Variants in SNTG2 observed in about 807,000 individuals in gnomAD.
The protein encoded by SNTG2 is gamma-2-syntrophin.
SNTG2 carries 74 observed loss-of-function variants against 70.9 expected under a neutral mutation model. The observed-to-expected ratio is 1.04, with a 90% CI of 0.86 to 1.27. The LOEUF is 1.27. SNTG2 is among the 50% of genes most tolerant of loss of function. SNTG2 has a pLI of 0.00. For missense variants in SNTG2, 717 were observed against 690.7 expected, an observed-to-expected ratio of 1.04 and a Z score of -0.43; for synonymous variants, 278 against 273.8, an observed-to-expected ratio of 1.02 and a Z score of -0.15.
chr2:1,052,168 T>C (rs1488069096), intron 1 of SNTG2, among the ~76,000 whole-genome samples: 4 of 152,292 alleles, frequency 2.6e-5, no homozygotes, highest in Admixed American at 2.0e-4. Context: ...CTGGTAGTCA[T>C]TGTTTTTCTA....
chr2:1,275,123 T>G (rs1679216355), intron 14 of SNTG2, among the ~76,000 whole-genome samples: 1 of 152,174 alleles, frequency 6.6e-6, no homozygotes, highest in African/African-American at 2.4e-5. Flanking sequence ...GGGAGAACTC[T>G]CTCACTACCT....
intron 1 of SNTG2, among the ~76,000 whole-genome samples, chr2:968,802 C>T (rs559108316): frequency 2.0e-5 from 3 of 152,118 alleles, no homozygotes; most frequent in East Asian, 3.9e-4. Context: ...CAAATATTTC[C>T]TTTCATCCTG....
At chr2:1,338,767 T>C (rs1659941568) in intron 16 of SNTG2, among the ~76,000 whole-genome samples, 1 of 152,234 alleles carries the variant, frequency 6.6e-6, no homozygotes, top group Non-Finnish European at 1.5e-5. Flanking sequence ...ATTCAATATT[T>C]GTTGATGAGC....
intron 1 of SNTG2, among the ~76,000 whole-genome samples, chr2:965,766 G>A (rs1161633137): frequency 6.6e-6 from 1 of 152,004 alleles, no homozygotes; most frequent in Non-Finnish European, 1.5e-5. Context: ...ATGCAGCTGG[G>A]CCCCCTACAG....
chr2:1,173,110 G>A lies in SNTG2; in HGVS notation c.518G>A (p.Ser173Asn), dbSNP rs771362145. Residue 173 changes from serine (S) to asparagine (N), a missense_variant, in exon 8 of 17, where the codon AGC becomes AAC. Transcript: ENST00000308624. Reference protein sequence around the residue: ...KLPLGSPGPSSDHSSGASSPL... With the variant: ...KLPLGSPGPSNDHSSGASSPL... Reference sequence around the variant, plus strand: ...GCTGCAGGGTCCCCAGGGCCATCCAGCGACCACAGCAGTGGGGCCTCCTCT... The same window carrying A: ...GCTGCAGGGTCCCCAGGGCCATCCAACGACCACAGCAGTGGGGCCTCCTCT... 13 of 1,613,892 alleles carry A rather than the reference G, an allele frequency of 8.1e-6. No individual in the cohort carries two copies. The highest frequency in any genetic ancestry group is 3.3e-5 in the Admixed American group (2 of 60,002).
intron 16 of SNTG2, among the ~76,000 whole-genome samples, chr2:1,357,615 G>T (rs151088277): frequency 6.6e-6 from 1 of 152,044 alleles, no homozygotes; most frequent in Non-Finnish European, 1.5e-5. Flanking sequence ...TTAATGTTTG[G>T]TAGAATTCCC....
chr2:1,332,086 C>T (rs55949772), intron 16 of SNTG2, among the ~76,000 whole-genome samples: 16,336 of 152,206 alleles, frequency 0.11, 1,162 homozygotes, highest in Admixed American at 0.2. Flanking sequence ...CAGTTCTCAG[C>T]TTGTCTTCCT....
intron 9 of SNTG2, among the ~76,000 whole-genome samples, chr2:1,220,990 AC>A (rs369832975): frequency 3.2e-4 from 49 of 152,128 alleles, no homozygotes; most frequent in African/African-American, 1.1e-3. Flanking sequence ...GCACCCTGAC[AC>A]CCCTCCCCAT....
intron 8 of SNTG2, among the ~76,000 whole-genome samples, chr2:1,174,436 C>T (rs920247565): frequency 6.6e-6 from 1 of 152,046 alleles, no homozygotes; most frequent in Non-Finnish European, 1.5e-5. Context: ...TACAGTTTAT[C>T]CATTGTCAGT....
At chr2:1,070,045 G>T (rs1295500560) in intron 1 of SNTG2, among the ~76,000 whole-genome samples, 1 of 152,000 alleles carries the variant, frequency 6.6e-6, no homozygotes, top group Non-Finnish European at 1.5e-5. Context: ...AGTGTGCAGG[G>T]GGATGGAGCA....
At chr2:1,125,210 AC>A (rs989218254) in intron 4 of SNTG2, among the ~76,000 whole-genome samples, 2 of 152,214 alleles carry the variant, frequency 1.3e-5, no homozygotes, top group African/African-American at 4.8e-5. Flanking sequence ...ATATTCAGTT[AC>A]TATAAATAGC....
At chr2:1,144,041 A>G (rs1016687160) in intron 6 of SNTG2, among the ~76,000 whole-genome samples, 1 of 152,178 alleles carries the variant, frequency 6.6e-6, no homozygotes. Context: ...GGCTCTCAGG[A>G]CACGCTGGGT....
intron 8 of SNTG2, among the ~76,000 whole-genome samples, chr2:1,196,424 G>C (rs1262566877): frequency 6.6e-6 from 1 of 152,132 alleles, no homozygotes; most frequent in East Asian, 1.9e-4. Context: ...TCCAGATGGG[G>C]AAGAGATGAG....
At chr2:1,155,496 C>T (rs1231024570) in intron 6 of SNTG2, among the ~76,000 whole-genome samples, 1 of 152,194 alleles carries the variant, frequency 6.6e-6, no homozygotes, top group African/African-American at 2.4e-5. Context: ...ATACTACAGC[C>T]AGTAATTTCA....
At chr2:1,188,399 T>A (rs1391691312) in intron 8 of SNTG2, among the ~76,000 whole-genome samples, 3 of 152,032 alleles carry the variant, frequency 2.0e-5, no homozygotes, top group Non-Finnish European at 4.4e-5. Context: ...ATTAAATAAA[T>A]GTAAATAGAT....
intron 15 of SNTG2, among the ~76,000 whole-genome samples, chr2:1,312,610 CACTCGTTCTTGGGGACACGTTGA>C (rs1558198845): frequency 2.0e-5 from 3 of 152,192 alleles, no homozygotes; most frequent in African/African-American, 7.2e-5. Context: ...CCGCAGGATT[CACTCGTTCTTGGGGACACGTTGA>C]AAAGCTAGCC....
At chr2:992,393 C>T (rs1480959039) in intron 1 of SNTG2, among the ~76,000 whole-genome samples, 1 of 152,186 alleles carries the variant, frequency 6.6e-6, no homozygotes, top group African/African-American at 2.4e-5. Flanking sequence ...CAAATTACAA[C>T]TACAAAACTT....
chr2:1,179,203 T>C (rs1265144655), intron 8 of SNTG2, among the ~76,000 whole-genome samples: 3 of 152,224 alleles, frequency 2.0e-5, no homozygotes, highest in African/African-American at 7.2e-5. Context: ...TTTTCTTCTT[T>C]ATTAGTCTTG....
chr2:1,244,005 G>A (rs895338513), intron 11 of SNTG2, among the ~76,000 whole-genome samples: 3 of 152,322 alleles, frequency 2.0e-5, no homozygotes, highest in Middle Eastern at 6.8e-3. Flanking sequence ...CAGCCCGGGC[G>A]ACAGAGCAAG....
Sources: gnomAD v4.1 joint callset for allele counts (sites outside exome capture counted in the v4.1 genomes callset) on GRCh38, gnomAD v4.1.1 for gene constraint, MANE v1.5 for transcripts, NCBI Gene and HGNC (gene_info 2026-07-23, HGNC 2026-07-21) for gene names.